The following ATM variants were observed in gnomAD, a reference collection of about 807,000 sequenced individuals.
The protein encoded by ATM is serine-protein kinase ATM.
ATM carries 308 observed loss-of-function variants against 387.0 expected under a neutral mutation model. The ratio of observed to expected loss-of-function variants is 0.80; its 90% CI spans 0.73 to 0.87. The LOEUF (loss-of-function observed/expected upper bound fraction) is 0.87. Ranked by LOEUF, ATM falls within the 40% of genes least tolerant of loss-of-function variation. ATM has a pLI of 0.00. For missense variants in ATM, 3,312 were observed against 3,560.9 expected, an observed-to-expected ratio of 0.93 and a Z score of 1.78; for synonymous variants, 1,156 against 1,187.3, an observed-to-expected ratio of 0.97 and a Z score of 0.54.
intron 16 of ATM, among the ~76,000 whole-genome samples, chr11:108,265,783 A>G (rs2135488101): frequency 8.1e-6 from 1 of 124,000 alleles, no homozygotes; most frequent in African/African-American, 3.0e-5. Context: ...AAACAAATTT[A>G]CAAGAAAAAA....
At chr11:108,233,310 CTCTA>C (rs2079111484) in intron 4 of ATM, among the ~76,000 whole-genome samples, 2 of 152,204 alleles carry the variant, frequency 1.3e-5, no homozygotes, top group African/African-American at 4.8e-5. Flanking sequence ...GCTCATGCCT[CTCTA>C]ATCCTAGTAC....
At chr11:108,364,977 A>G (rs1043655559) in intron 61 of ATM, 105 bp from the exon 62 acceptor site, 42 of 1,326,552 alleles carry the variant, frequency 3.2e-5, no homozygotes, top group Non-Finnish European at 1.1e-6. Context: ...CTCCCCCATC[A>G]ACTACCATGT....
intron 12 of ATM, 102 bp downstream of exon 12, chr11:108,253,014 T>A (rs2080238216): frequency 1.9e-6 from 2 of 1,063,034 alleles, no homozygotes; most frequent in Admixed American, 4.5e-5. Context: ...AATTGTAAAC[T>A]AAATTGGTCC....
chr11:108,265,898 G>A (rs2081205809), intron 16 of ATM, among the ~76,000 whole-genome samples: 1 of 142,614 alleles, frequency 7.0e-6, no homozygotes, highest in South Asian at 2.4e-4. Context: ...CATCATCACT[G>A]GCCATCAGAG....
intron 61 of ATM, chr11:108,356,224 A>G (rs1437312033): frequency 2.0e-5 from 3 of 152,158 alleles, no homozygotes; most frequent in Admixed American, 1.3e-4. Flanking sequence ...AAGTTATATT[A>G]TCTTGCACTT....
chr11:108,353,763 T>C lies in ATM; in HGVS notation c.8672-3T>C, dbSNP rs1060501550. On this transcript the variant is annotated splice_polypyrimidine_tract_variant and splice_region_variant and intron_variant, in intron 59 of 62. Transcript: ENST00000675843. ...CCTAACTTCACTGTATTCTTTACTTTAGGTGTTGCTTTTGAACAGGGCAAA... is the reference window on the plus strand; with the variant it reads ...CCTAACTTCACTGTATTCTTTACTTCAGGTGTTGCTTTTGAACAGGGCAAA... 6.3e-7 allele frequency: 1 copy of C among 1,595,464 alleles called. No individual in the cohort carries two copies. Among genetic ancestry groups the C allele is most frequent in the Non-Finnish European group, 8.6e-7 (1 of 1,163,134 alleles).
rs1360453074 is a variant in ATM at position 108,329,193 on chromosome 11, A to T, written c.7262A>T (p.Lys2421Ile). Residue 2421 changes from lysine (K) to isoleucine (I), a missense_variant, in exon 49 of 63, where the codon AAA becomes ATA. Lys to Ile is a moderately radical substitution (Grantham distance 102). This residue lies in a region of ATM where 1,405 missense variants were observed against 1,604.4 expected (regional missense o/e 0.88). Coordinates refer to ENST00000675843, the MANE Select transcript of ATM (RefSeq NM_000051.4). ...AAGCAAGCTCTCCTGAAAAGAGCCAAAGAGGAAGTAGGTCTCCTTAGGGAA... is the reference window on the plus strand; with the variant it reads ...AAGCAAGCTCTCCTGAAAAGAGCCATAGAGGAAGTAGGTCTCCTTAGGGAA... ...ENKQALLKRA[K>I]EEVGLLREHK... The T allele has an allele frequency of 6.2e-7, 1 of 1,613,968 alleles. No homozygotes were observed. Among genetic ancestry groups the T allele is most frequent in the Non-Finnish European group, 8.5e-7 (1 of 1,179,992 alleles).
intron 56 of ATM, among the ~76,000 whole-genome samples, chr11:108,339,458 C>T (rs1203790717): frequency 6.6e-6 from 1 of 152,006 alleles, no homozygotes; most frequent in African/African-American, 2.4e-5. Flanking sequence ...AACTTCATTT[C>T]TGTGTATCTA....
chr11:108,357,412 G>A, intron 61 of ATM, among the ~76,000 whole-genome samples: 1 of 152,222 alleles, frequency 6.6e-6, no homozygotes, highest in Non-Finnish European at 1.5e-5. Flanking sequence ...AAACAAAGCA[G>A]CCGGGAAGCT....
At chr11:108,313,854 A>G (rs2084377687) in intron 40 of ATM, among the ~76,000 whole-genome samples, 2 of 152,352 alleles carry the variant, frequency 1.3e-5, no homozygotes, top group South Asian at 4.1e-4. Context: ...TTTTCTATGC[A>G]GTATAGTTCC....
At position 108,252,917 on chromosome 11, in the gene ATM, G is replaced by A. The variant is rs1372634189; in HGVS notation, c.1898+5G>A. On this transcript the variant is annotated splice_donor_5th_base_variant and intron_variant, in intron 12 of 62. Coordinates refer to ENST00000675843, the MANE Select transcript of ATM (RefSeq NM_000051.4). The stretch of plus-strand genomic sequence containing the variant: ...TTTCCAAAGCGTGCCAGAATGGTAT[G>A]TTATCTAATAATGCTCTTTATCATT... The A allele has an allele frequency of 1.3e-6, 2 of 1,596,812 alleles. No homozygotes were observed. The highest frequency in any genetic ancestry group is 1.7e-5 in the Admixed American group (1 of 59,896).
intron 5 of ATM, among the ~76,000 whole-genome samples, chr11:108,240,813 T>G: frequency 6.6e-6 from 1 of 152,198 alleles, no homozygotes; most frequent in Non-Finnish European, 1.5e-5. Context: ...ACTCTTATTC[T>G]GTACCAAATT....
chr11:108,353,619 C>T (rs1467670523), intron 59 of ATM, 147 bp from the exon 60 acceptor site: 18 of 662,784 alleles, frequency 2.7e-5, no homozygotes, highest in Non-Finnish European at 4.6e-5. Flanking sequence ...GGAAGGCAGC[C>T]AGAGCAGAAG....
intron 26 of ATM, among the ~76,000 whole-genome samples, chr11:108,286,758 C>T (rs2082515744): frequency 6.6e-6 from 1 of 152,076 alleles, no homozygotes; most frequent in Admixed American, 6.5e-5. Context: ...ACCTTATTGC[C>T]CTGCCTCATT....
At chr11:108,280,973 T>TC (rs1157170601) in intron 23 of ATM, 22 bp from the exon 24 acceptor site, 1 of 1,533,298 alleles carries the variant, frequency 6.5e-7, no homozygotes, top group South Asian at 1.2e-5. Flanking sequence ...ACATTACATT[T>TC]TTTTTTTAAT....
chr11:108,343,118 C>T, intron 56 of ATM, 104 bp from the exon 57 acceptor site: 2 of 1,422,066 alleles, frequency 1.4e-6, no homozygotes, highest in South Asian at 2.3e-5. Context: ...AATATTAATA[C>T]AACTTGAAAA....
chr11:108,329,308 G>T, intron 49 of ATM, 70 bp downstream of exon 49: 1 of 1,357,246 alleles, frequency 7.4e-7, no homozygotes, highest in Non-Finnish European at 1.0e-6. Context: ...TGCATAGAAA[G>T]AGTGACTTGG....
intron 58 of ATM, 101 bp from the exon 59 acceptor site, chr11:108,347,176 CTT>C: frequency 2.1e-6 from 2 of 933,218 alleles, no homozygotes; most frequent in East Asian, 4.9e-5. Flanking sequence ...TCCTAAACTA[CTT>C]AAAGATTATA....
intron 16 of ATM, among the ~76,000 whole-genome samples, chr11:108,263,765 T>A (rs2081052654): frequency 6.9e-6 from 1 of 145,112 alleles, no homozygotes. Flanking sequence ...GAGAGAAGAA[T>A]CAAATAGACG....
Sources: allele counts gnomAD v4.1 joint callset (sites outside exome capture counted in the v4.1 genomes callset), GRCh38; gene constraint gnomAD v4.1.1; regional missense constraint gnomAD v4.1.1; transcripts MANE v1.5; gene names NCBI Gene and HGNC (gene_info 2026-07-23, HGNC 2026-07-21).